Variants in ARHGAP28 observed in about 807,000 individuals in gnomAD.
ARHGAP28 encodes the protein Rho GTPase activating protein 28, also known as rho GTPase-activating protein 28.
ARHGAP28 carries 56 observed loss-of-function variants against 90.7 expected under a neutral mutation model. The observed-to-expected ratio is 0.62, with a 90% CI of 0.50 to 0.77. The LOEUF is 0.77. Among genes scored for constraint, ARHGAP28 ranks in the 30% least tolerant of loss-of-function variants. ARHGAP28 has a pLI of 0.00. For missense variants in ARHGAP28, 869 were observed against 900.9 expected, an observed-to-expected ratio of 0.96 and a Z score of 0.45; for synonymous variants, 308 against 323.3, an observed-to-expected ratio of 0.95 and a Z score of 0.51.
chr18:6,730,046 A>G, intron 1 of ARHGAP28, 103 bp downstream of exon 1: 3 of 1,170,224 alleles, frequency 2.6e-6, no homozygotes, highest in Non-Finnish European at 3.3e-6. Context: ...CCGTCACTGG[A>G]TGTTGTTTCA....
Position 6,837,178 on chromosome 18 carries a change from T to C in ARHGAP28, c.326-19T>C. 1 of 1,526,690 alleles carries C rather than the reference T, an allele frequency of 6.6e-7. No homozygotes were observed. Among genetic ancestry groups the C allele is most frequent in the Non-Finnish European group, 8.8e-7 (1 of 1,134,404 alleles). 94.6% of individuals were successfully genotyped at this position (1,526,690 alleles called of 1,614,324 possible). A position where few individuals can be genotyped will look rare whatever the true frequency, so the allele number is the denominator to read the frequency against. On this transcript the variant is annotated intron_variant, in intron 2 of 17. Transcript: ENST00000383472. ...TACAGAAAATATTCTAACCCTCTCT[T>C]GGTAATGTTCTTTCACAGAAGGAGA...
intron 3 of ARHGAP28, among the ~76,000 whole-genome samples, chr18:6,849,396 C>T (rs2056892155): frequency 6.6e-6 from 1 of 152,064 alleles, no homozygotes; most frequent in Admixed American, 6.6e-5. Context: ...AATGAGGTGG[C>T]AGGCACTGTC....
intron 1 of ARHGAP28, among the ~76,000 whole-genome samples, chr18:6,801,422 G>T (rs1412112542): frequency 1.3e-5 from 2 of 152,092 alleles, no homozygotes; most frequent in Non-Finnish European, 2.9e-5. Context: ...AACAAGTCTT[G>T]AGACACATAA....
At chr18:6,841,208 C>CTCTCT (rs1555631529) in intron 3 of ARHGAP28, among the ~76,000 whole-genome samples, 657 of 42,910 alleles carry the variant, frequency 0.015, 38 homozygotes, top group African/African-American at 0.022. Context: ...TCTCTCCTCT[C>CTCTCT]CTCTCTCTCT....
At chr18:6,799,550 C>T (rs2056466828) in intron 1 of ARHGAP28, among the ~76,000 whole-genome samples, 1 of 152,190 alleles carries the variant, frequency 6.6e-6, no homozygotes, top group South Asian at 2.1e-4. Flanking sequence ...ACCAAAGGAA[C>T]AGAACAGAGG....
At chr18:6,821,280 A>G (rs2056625139) in intron 1 of ARHGAP28, among the ~76,000 whole-genome samples, 2 of 152,224 alleles carry the variant, frequency 1.3e-5, no homozygotes. Context: ...TCTTAATGCC[A>G]CTTTGAATTT....
intron 1 of ARHGAP28, among the ~76,000 whole-genome samples, chr18:6,734,777 G>T (rs971353423): frequency 6.6e-6 from 1 of 152,134 alleles, no homozygotes; most frequent in African/African-American, 2.4e-5. Flanking sequence ...TATTCTGGGG[G>T]ATACTAGGTA....
At position 6,798,058 on chromosome 18, in the gene ARHGAP28, C is replaced by T. The variant is rs974716592; in HGVS notation, c.123-26704C>T. The stretch of plus-strand genomic sequence containing the variant: ...TTTAATAAAATTCAGTTTTTTAGAA[C>T]ACTAATGATAAAAATAGGAAATAAA... On this transcript the variant is annotated intron_variant, in intron 1 of 17. Coordinates refer to ENST00000383472, the MANE Select transcript of ARHGAP28 (RefSeq NM_001366230.1). Among the ~76,000 whole-genome samples the T allele has an allele frequency of 2.4e-5, 2 of 82,836 alleles. 1 individual carries two copies. Among genetic ancestry groups the T allele is most frequent in the South Asian group, 8.3e-4 (2 of 2,398 alleles). 54.3% of individuals were successfully genotyped at this position (82,836 alleles called of 152,430 possible). A position where few individuals can be genotyped will look rare whatever the true frequency, so the allele number is the denominator to read the frequency against.
In ARHGAP28 at chr18:6,879,670, T is replaced by C. The variant is rs114058230; in HGVS notation, c.1291-2467T>C. Among the ~76,000 whole-genome samples the C allele has an allele frequency of 1.1e-3, 169 of 152,322 alleles. 1 individual carries two copies. The highest frequency in any genetic ancestry group is 4.0e-3 in the African/African-American group (168 of 41,576). Reference sequence around the variant, plus strand: ...CCTAAACAGTCACGCCGCATACGCGTGGGATTCCCATAGTAATGACACTGC... The same window carrying C: ...CCTAAACAGTCACGCCGCATACGCGCGGGATTCCCATAGTAATGACACTGC... On this transcript the variant is annotated intron_variant, in intron 10 of 17. Transcript: ENST00000383472.
intron 14 of ARHGAP28, among the ~76,000 whole-genome samples, chr18:6,891,799 C>T (rs1164200050): frequency 6.6e-6 from 1 of 152,016 alleles, no homozygotes; most frequent in Non-Finnish European, 1.5e-5. Context: ...TGCTGTATTG[C>T]CCAGGCTGGT....
chr18:6,806,189 T>C lies in ARHGAP28; in HGVS notation c.123-18573T>C, dbSNP rs567059217. Among the ~76,000 whole-genome samples, 191 of 152,298 alleles carry C rather than the reference T, an allele frequency of 1.3e-3. 2 individuals are homozygous for C. Among genetic ancestry groups the C allele is most frequent in the African/African-American group, 3.9e-3 (164 of 41,584 alleles). ...GATTACAGGTGTGAGCCACCGTGCC[T>C]GACTATTTTTCCTTTTTTCATTCTT... On this transcript the variant is annotated intron_variant, in intron 1 of 17. Transcript: ENST00000383472.
At chr18:6,849,252 CAAAAAAAAAAAAA>C (rs35080791) in intron 3 of ARHGAP28, among the ~76,000 whole-genome samples, 1 of 88,250 alleles carries the variant, frequency 1.1e-5, no homozygotes, top group Admixed American at 1.2e-4. Context: ...GACCTTGTCT[CAAAAAAAAAAAAA>C]AAAAAAAAAA....
chr18:6,759,690 G>C (rs1206697673), intron 1 of ARHGAP28, among the ~76,000 whole-genome samples: 1 of 152,158 alleles, frequency 6.6e-6, no homozygotes, highest in Non-Finnish European at 1.5e-5. Context: ...GCTAAAATTG[G>C]AACACTTTCA....
chr18:6,901,770 G>GC (rs2078636318), intron 16 of ARHGAP28, among the ~76,000 whole-genome samples: 1 of 152,098 alleles, frequency 6.6e-6, no homozygotes, highest in Admixed American at 6.5e-5. Context: ...TCCCAGTGCT[G>GC]CCATAACAGA....
chr18:6,910,475 G>T (rs1202297277), intron 17 of ARHGAP28, among the ~76,000 whole-genome samples: 2 of 152,052 alleles, frequency 1.3e-5, no homozygotes, highest in African/African-American at 2.4e-5. Context: ...ACCTGACAGG[G>T]TTGGATCTGG....
At chr18:6,886,228 T>A (rs1189686655) in intron 11 of ARHGAP28, among the ~76,000 whole-genome samples, 1 of 152,176 alleles carries the variant, frequency 6.6e-6, no homozygotes, top group African/African-American at 2.4e-5. Context: ...TAGATTTTCC[T>A]TCAACTTGAG....
chr18:6,857,276 G>T (rs2056961186), intron 4 of ARHGAP28, among the ~76,000 whole-genome samples: 1 of 152,162 alleles, frequency 6.6e-6, no homozygotes, highest in Admixed American at 6.5e-5. Flanking sequence ...ATTTTCTGTT[G>T]CATATCCTGT....
chr18:6,773,965 C>G (rs1488649489), intron 1 of ARHGAP28: 1 of 152,202 alleles, frequency 6.6e-6, no homozygotes, highest in Non-Finnish European at 1.5e-5. Flanking sequence ...ATTTGTCCCA[C>G]AGGCACCACC....
chr18:6,742,609 T>C lies in ARHGAP28; in HGVS notation c.122+12666T>C, dbSNP rs530276115. Among the ~76,000 whole-genome samples, 6 of 152,292 alleles carry C rather than the reference T, an allele frequency of 3.9e-5. No homozygotes were observed. In the East Asian group the frequency reaches 1.2e-3, roughly 29 times the overall value. On this transcript the variant is annotated intron_variant, in intron 1 of 17. Transcript: ENST00000383472. ...TTCTTGTGGGATAATTAAGTGTATA[T>C]GCTCAGCAGACAGGTGGCTATACAA...
Sources: allele counts gnomAD v4.1 joint callset (sites outside exome capture counted in the v4.1 genomes callset), GRCh38; gene constraint gnomAD v4.1.1; transcripts MANE v1.5; gene names NCBI Gene and HGNC (gene_info 2026-07-23, HGNC 2026-07-21).